LMTK2: variants seen among roughly 807,000 people sequenced by gnomAD.
LMTK2 encodes lemur tail kinase 2, also known as serine/threonine-protein kinase LMTK2.
LMTK2 carries 37 observed loss-of-function variants against 127.5 expected under a neutral mutation model. The observed-to-expected ratio is 0.29, with a 90% CI of 0.22 to 0.38. The LOEUF is 0.38. Among genes scored for constraint, LMTK2 ranks in the 10% least tolerant of loss-of-function variants. LMTK2 has a pLI of 1.00. For synonymous variants in LMTK2, 819 were observed against 810.1 expected (o/e 1.01, Z -0.19); for missense variants, 1,694 against 1,920.3 (o/e 0.88, Z 2.20).
intron 6 of LMTK2, among the ~76,000 whole-genome samples, chr7:98,169,375 T>C (rs1422302196): frequency 6.6e-6 from 1 of 152,162 alleles, no homozygotes; most frequent in Non-Finnish European, 1.5e-5. Flanking sequence ...GAACAGTGAG[T>C]GTGGTGAATA....
intron 11 of LMTK2, among the ~76,000 whole-genome samples, chr7:98,202,000 T>G (rs1305816365): frequency 7.9e-5 from 12 of 152,236 alleles, no homozygotes; most frequent in Admixed American, 7.9e-4. Context: ...TTTCAGGCAT[T>G]CTTTTCTTCT....
chr7:98,200,570 G>A (rs923282202), intron 11 of LMTK2, among the ~76,000 whole-genome samples: 3 of 152,176 alleles, frequency 2.0e-5, no homozygotes, highest in South Asian at 2.1e-4. Context: ...GGTTATGCAC[G>A]GGTGGTCTTG....
chr7:98,163,794 G>C (rs1797049341), intron 6 of LMTK2, among the ~76,000 whole-genome samples: 1 of 152,198 alleles, frequency 6.6e-6, no homozygotes. Flanking sequence ...TCTGATCAGA[G>C]GGGCATAACC....
At chr7:98,197,772 T>C (rs1275451211) in intron 11 of LMTK2, among the ~76,000 whole-genome samples, 1 of 151,924 alleles carries the variant, frequency 6.6e-6, no homozygotes, top group Non-Finnish European at 1.5e-5. Context: ...AACCCAGGAG[T>C]TTGAGAGTGC....
chr7:98,194,074 T>C lies in LMTK2; in HGVS notation c.3609T>C (p.Ser1203=), dbSNP rs773174165. Residue 1203 remains serine (S), a synonymous_variant, in exon 11 of 14, where the codon AGT becomes AGC. Transcript: ENST00000297293. The surrounding 1 kb of genome is among the most constrained non-coding windows in gnomAD (Gnocchi z 5.4). ...AAGACGAGGCCAGCAGTCCCTGGAG[T>C]GTGCTGAATGCAGAACTTAGCAGCG... is the stretch of plus-strand genomic sequence containing the variant. ...PTEDEASSPW[S]VLNAELSSGD... 1.2e-6 allele frequency: 2 copies of C among 1,613,900 alleles called. No homozygotes were observed. Among genetic ancestry groups the C allele is most frequent in the Non-Finnish European group, 1.7e-6 (2 of 1,179,976 alleles).
At chr7:98,191,503 G>C in intron 10 of LMTK2, 111 bp from the exon 11 acceptor site, 1 of 820,690 alleles carries the variant, frequency 1.2e-6, no homozygotes, top group Non-Finnish European at 1.8e-6. Flanking sequence ...AGTGAGCCGG[G>C]ATCATGCCAC....
In LMTK2 at chr7:98,191,635, T is replaced by C; in HGVS notation, c.1170T>C (p.Cys390=). The C allele has an allele frequency of 6.2e-7, 1 of 1,610,138 alleles. No individual in the cohort carries two copies. The highest frequency in any genetic ancestry group is 8.5e-7 in the Non-Finnish European group (1 of 1,177,942). ...TCAGGTATGAAGTCTTACAGTTCTG[T>C]TGGCTGTCACCAGAAAAGAGACCCG... The part of the protein sequence containing the change: ...SDRWYEVLQF[C]WLSPEKRPAA... The change falls in exon 11 of 14, where the codon TGT becomes TGC. Residue 390 remains cysteine, a synonymous_variant. Transcript: ENST00000297293.
At chr7:98,157,939 C>G (rs895458159) in intron 5 of LMTK2, among the ~76,000 whole-genome samples, 1 of 152,186 alleles carries the variant, frequency 6.6e-6, no homozygotes, top group African/African-American at 2.4e-5. Flanking sequence ...CCTGCACACA[C>G]TTTATCACAG....
Position 98,124,795 on chromosome 7 carries a change from A to AG in LMTK2, c.104-12520_104-12519insG, listed in dbSNP as rs35574585. 6.1e-4 allele frequency among the ~76,000 whole-genome samples: 91 copies of AG among 149,364 alleles called. 1 individual carries two copies. The East Asian group carries it at 0.015, about 25-fold the overall frequency. On this transcript the variant is annotated intron_variant, in intron 1 of 13. Transcript: ENST00000297293. ...GCAAGACTGTGTCTCTAAAAAAAAA[A>AG]TAATAATAACATAAAATGGGGCTAA... is the stretch of plus-strand genomic sequence containing the variant.
chr7:98,135,937 C>T (rs3933021), intron 1 of LMTK2, among the ~76,000 whole-genome samples: 2,632 of 151,854 alleles, frequency 0.017, 85 homozygotes, highest in African/African-American at 0.06. Context: ...AGGCCCCCCA[C>T]GCAACAGCAG....
chr7:98,130,387 G>A (rs1423618733), intron 1 of LMTK2, among the ~76,000 whole-genome samples: 1 of 152,206 alleles, frequency 6.6e-6, no homozygotes, highest in African/African-American at 2.4e-5. Flanking sequence ...CAGCCACTCT[G>A]TTTCTGTCCT....
intron 1 of LMTK2, among the ~76,000 whole-genome samples, chr7:98,124,805 CAT>C (rs1264439534): frequency 1.3e-5 from 2 of 151,866 alleles, no homozygotes; most frequent in Non-Finnish European, 2.9e-5. Context: ...ATAATAATAA[CAT>C]AAAATGGGGC....
chr7:98,116,225 T>C (rs182837360), intron 1 of LMTK2, among the ~76,000 whole-genome samples: 94 of 152,322 alleles, frequency 6.2e-4, no homozygotes, highest in Non-Finnish European at 1.1e-3. Flanking sequence ...TCTCTTTACC[T>C]AGTTTGCAAG....
intron 1 of LMTK2, among the ~76,000 whole-genome samples, chr7:98,134,983 A>G (rs1796578444): frequency 6.6e-6 from 1 of 152,194 alleles, no homozygotes; most frequent in African/African-American, 2.4e-5. Flanking sequence ...GAGATTCTCA[A>G]CACCCCTTGG....
At position 98,203,658 on chromosome 7, in the gene LMTK2, C is replaced by G; in HGVS notation, c.4192C>G (p.Pro1398Ala). Residue 1398 changes from proline (P) to alanine (A), a missense_variant, in exon 12 of 14, where the codon CCC (proline) becomes GCC (alanine). Around this residue, in one of 8 missense-constraint regions of LMTK2, gnomAD observed 554 missense variants for 567.7 expected, o/e 0.98. Coordinates refer to ENST00000297293, the MANE Select transcript of LMTK2 (RefSeq NM_014916.4). ...CGGCCCAGCCCCAGCCTCAGGCTCT[C>G]CCTACCTGAGCAGGTGCATCAACTC... The part of the protein sequence containing the change: ...LSGPAPASGS[P>A]YLSRCINSES... 1 of 1,613,702 alleles carries G rather than the reference C, an allele frequency of 6.2e-7. No homozygotes were observed. The highest frequency in any genetic ancestry group is 8.5e-7 in the Non-Finnish European group (1 of 1,179,838).
At chr7:98,184,134 G>A (rs1023147261) in intron 7 of LMTK2, among the ~76,000 whole-genome samples, 1 of 152,180 alleles carries the variant, frequency 6.6e-6, no homozygotes. Context: ...TTCAACCCTT[G>A]ACTTGGGGTT....
intron 3 of LMTK2, among the ~76,000 whole-genome samples, chr7:98,142,980 G>T (rs773008620): frequency 1.3e-5 from 2 of 152,180 alleles, no homozygotes; most frequent in Non-Finnish European, 2.9e-5. Flanking sequence ...AAACCCTTTG[G>T]AGGGACATTC....
At chr7:98,204,964 G>A (rs999128396) in intron 13 of LMTK2, among the ~76,000 whole-genome samples, 12 of 152,186 alleles carry the variant, frequency 7.9e-5, no homozygotes, top group African/African-American at 2.9e-4. Flanking sequence ...TCTTGGTCCT[G>A]GTGTGGCTCC....
At chr7:98,127,407 A>G (rs10231625) in intron 1 of LMTK2, among the ~76,000 whole-genome samples, 19,335 of 152,204 alleles carry the variant, frequency 0.13, 1,959 homozygotes, top group African/African-American at 0.28. Context: ...AGCTTCCCTC[A>G]GTTCTATGAG....
Sources: gnomAD v4.1 joint callset for allele counts (sites outside exome capture counted in the v4.1 genomes callset) on GRCh38, gnomAD v4.1.1 for gene constraint, gnomAD v4.1.1 regional missense constraint, Gnocchi (gnomAD v3.1) non-coding constraint, MANE v1.5 for transcripts, NCBI Gene and HGNC (gene_info 2026-07-23, HGNC 2026-07-21) for gene names.